MTHFD2L: variants seen among roughly 807,000 people sequenced by gnomAD.
The protein encoded by MTHFD2L is methylenetetrahydrofolate dehydrogenase (NADP+ dependent) 2 like.
In MTHFD2L, 29 loss-of-function variants were observed where a neutral mutation model predicts 34.9. The ratio of observed to expected loss-of-function variants is 0.83; its 90% CI spans 0.62 to 1.13. MTHFD2L has a LOEUF of 1.13. Ranked by LOEUF, MTHFD2L falls within the 50% of genes most tolerant of loss-of-function variation. MTHFD2L has a pLI of 0.00. For missense variants in MTHFD2L, 481 were observed against 446.5 expected (o/e 1.08, Z -0.70); for synonymous variants, 167 against 155.7 (o/e 1.07, Z -0.54).
chr4:74,173,247 C>G lies in MTHFD2L; in HGVS notation c.144-1259C>G, dbSNP rs559907742. ...TAAGAGCAATGTAATTCACCACTTT[C>G]AAGTTTGAGGTCATGGAGAGCAGAA... is the stretch of plus-strand genomic sequence containing the variant. On this transcript the variant is annotated intron_variant, in intron 1 of 7. Transcript: ENST00000325278. Among the ~76,000 whole-genome samples the G allele has an allele frequency of 4.6e-5, 7 of 152,304 alleles. No homozygotes were observed. The South Asian group carries it at 1.2e-3, about 27-fold the overall frequency.
chr4:74,264,698 C>CT (rs1745079738), intron 6 of MTHFD2L, among the ~76,000 whole-genome samples: 1 of 151,134 alleles, frequency 6.6e-6, no homozygotes, highest in Admixed American at 6.6e-5. Flanking sequence ...TAAGTACAAA[C>CT]TTAAAAAAAA....
At position 74,281,441 on chromosome 4, in the gene MTHFD2L, T is replaced by G. The variant is rs1747465810; in HGVS notation, c.822T>G (p.Ile274Met). The change falls in exon 7 of 8, where the codon ATT (isoleucine) becomes ATG (methionine). Residue 274 changes from isoleucine (I) to methionine (M), a missense_variant. By Grantham distance (10) the Ile-to-Met change is conservative (BLOSUM62 1). Transcript: ENST00000325278. ...TGTTTTCAGGTATTCCAAAGTTGAT[T>G]ACGTCTGATATGGTTAAAGAAGGTG... ...IIVAAGIPKL[I>M]TSDMVKEGAA... 6.2e-7 allele frequency: 1 copy of G among 1,612,362 alleles called. No individual in the cohort carries two copies. Among genetic ancestry groups the G allele is most frequent in the Non-Finnish European group, 8.5e-7 (1 of 1,179,028 alleles).
At chr4:74,268,208 TTATC>T (rs1205219602) in intron 6 of MTHFD2L, 1 of 982,262 alleles carries the variant, frequency 1.0e-6, no homozygotes, top group African/African-American at 1.8e-5. Context: ...TAGGCTCTAT[TTATC>T]TAGGATGCAT....
chr4:74,237,134 G>C (rs1231054850), intron 6 of MTHFD2L, among the ~76,000 whole-genome samples: 1 of 152,096 alleles, frequency 6.6e-6, no homozygotes, highest in East Asian at 1.9e-4. Flanking sequence ...AGGAGAAGGA[G>C]AAAGGAAATA....
At chr4:74,285,175 C>T (rs1748007335) in intron 7 of MTHFD2L, among the ~76,000 whole-genome samples, 1 of 151,734 alleles carries the variant, frequency 6.6e-6, no homozygotes, top group African/African-American at 2.4e-5. Flanking sequence ...AAACATCACA[C>T]ACCGGGGCCT....
In MTHFD2L at chr4:74,148,268, G is replaced by A. The variant is rs980280471; in HGVS notation, c.-296-11787G>A. ...TGATAAGTTTGAAATCATAAAGTGT[G>A]AGACCTCCAACATTGTTCTTTTCAT... On this transcript the variant is annotated intron_variant, in intron 1 of 7. Coordinates refer to the MTHFD2L transcript ENST00000433372. Among the ~76,000 whole-genome samples, 8 of 152,036 alleles carry A rather than the reference G, an allele frequency of 5.3e-5. No individual in the cohort carries two copies. In the East Asian group the frequency reaches 1.5e-3, roughly 29 times the overall value.
At chr4:74,198,464 T>C (rs1333305139) in intron 3 of MTHFD2L, among the ~76,000 whole-genome samples, 3 of 152,094 alleles carry the variant, frequency 2.0e-5, no homozygotes, top group Admixed American at 2.0e-4. Flanking sequence ...TAGCTAAAAA[T>C]AGATACTCCA....
chr4:74,288,325 A>G (rs1578731858), intron 7 of MTHFD2L: 1 of 152,316 alleles, frequency 6.6e-6, no homozygotes, highest in South Asian at 2.1e-4. Flanking sequence ...AGAGCCCAGA[A>G]CAATAAAATC....
At chr4:74,233,949 T>TTTTC (rs1740474133) in intron 6 of MTHFD2L, among the ~76,000 whole-genome samples, 1 of 151,946 alleles carries the variant, frequency 6.6e-6, no homozygotes, top group Non-Finnish European at 1.5e-5. Context: ...ATATATGTAC[T>TTTTC]ATTTCTGATT....
At chr4:74,217,872 A>G (rs524111) in intron 5 of MTHFD2L, among the ~76,000 whole-genome samples, 4,761 of 152,216 alleles carry the variant, frequency 0.031, 263 homozygotes, top group African/African-American at 0.11. Flanking sequence ...TACAAAAAGC[A>G]TATTTAAAGG....
At chr4:74,277,151 C>A (rs1338677361) in intron 6 of MTHFD2L, among the ~76,000 whole-genome samples, 1 of 116,902 alleles carries the variant, frequency 8.6e-6, no homozygotes, top group Non-Finnish European at 1.6e-5. Flanking sequence ...TCAGCCAAAG[C>A]AGATTTTTTT....
intron 6 of MTHFD2L, among the ~76,000 whole-genome samples, chr4:74,246,177 G>C (rs1742417328): frequency 6.8e-6 from 1 of 147,660 alleles, no homozygotes; most frequent in South Asian, 2.2e-4. Flanking sequence ...ATTCTAACTG[G>C]TGTGAGATGG....
At chr4:74,261,202 C>G (rs542936500) in intron 6 of MTHFD2L, among the ~76,000 whole-genome samples, 3 of 151,976 alleles carry the variant, frequency 2.0e-5, no homozygotes, top group Admixed American at 1.3e-4. Flanking sequence ...AGGTGGTGTT[C>G]TTTGAAGGTA....
chr4:74,164,158 G>A (rs1726128242), intron 1 of MTHFD2L, among the ~76,000 whole-genome samples: 1 of 152,202 alleles, frequency 6.6e-6, no homozygotes, highest in African/African-American at 2.4e-5. Context: ...TTACAGGCGT[G>A]AGCCACCATG....
chr4:74,134,949 A>C (rs896508650), intron 1 of MTHFD2L, among the ~76,000 whole-genome samples: 3 of 152,160 alleles, frequency 2.0e-5, no homozygotes, highest in Non-Finnish European at 2.9e-5. Flanking sequence ...AAATGAGAGA[A>C]GGCCACTTAC....
intron 5 of MTHFD2L, among the ~76,000 whole-genome samples, chr4:74,214,598 C>T (rs756256484): frequency 9.9e-5 from 15 of 151,750 alleles, no homozygotes; most frequent in Non-Finnish European, 2.1e-4. Context: ...CCCAGAGGGG[C>T]CCCCGCCAGA....
At chr4:74,233,849 T>G (rs1266236435) in intron 6 of MTHFD2L, among the ~76,000 whole-genome samples, 1 of 151,996 alleles carries the variant, frequency 6.6e-6, no homozygotes, top group African/African-American at 2.4e-5. Flanking sequence ...GGGGGAATCT[T>G]TTCATCTCTA....
intron 1 of MTHFD2L, among the ~76,000 whole-genome samples, chr4:74,140,198 G>A (rs1367853581): frequency 6.6e-6 from 1 of 152,032 alleles, no homozygotes; most frequent in African/African-American, 2.4e-5. Context: ...TAGCTACTCA[G>A]GAGGCAGAGG....
intron 6 of MTHFD2L, among the ~76,000 whole-genome samples, chr4:74,248,642 A>G (rs1454504513): frequency 6.7e-6 from 1 of 148,754 alleles, no homozygotes; most frequent in African/African-American, 2.5e-5. Context: ...CCCTCTACAC[A>G]CTGCTTTGAA....
Sources: gnomAD v4.1 joint callset for allele counts (sites outside exome capture counted in the v4.1 genomes callset) on GRCh38, gnomAD v4.1.1 for gene constraint, MANE v1.5 for transcripts, NCBI Gene and HGNC (gene_info 2026-07-23, HGNC 2026-07-21) for gene names.